Variants in MSH3 observed in about 807,000 individuals in gnomAD.
The protein encoded by MSH3 is mutS homolog 3.
Under a neutral mutation model 123.3 loss-of-function variants are expected in MSH3, and 106 were observed. The observed-to-expected ratio is 0.86, with a 90% CI of 0.73 to 1.01. The LOEUF (loss-of-function observed/expected upper bound fraction) is 1.01. Among genes scored for constraint, MSH3 ranks in the 50% least tolerant of loss-of-function variants. MSH3 has a pLI of 0.00. For synonymous variants in MSH3, 515 were observed against 481.4 expected, an observed-to-expected ratio of 1.07 and a Z score of -0.91; for missense variants, 1,459 against 1,347.6, an observed-to-expected ratio of 1.08 and a Z score of -1.29.
At chr5:80,838,764 C>T (rs984924899) in intron 20 of MSH3, among the ~76,000 whole-genome samples, 1 of 152,092 alleles carries the variant, frequency 6.6e-6, no homozygotes, top group African/African-American at 2.4e-5. Context: ...CCTAAGATCT[C>T]ACAGTACTTA....
At chr5:80,655,032 C>A (rs559732282) in intron 1 of MSH3, 68 bp downstream of exon 1, 31 of 979,712 alleles carry the variant, frequency 3.2e-5, no homozygotes, top group Non-Finnish European at 4.4e-5. Context: ...GTAAGGCGGG[C>A]GGAGGCGGGG....
At chr5:80,664,846 ACCTCT>A (rs1246054040) in intron 2 of MSH3, among the ~76,000 whole-genome samples, 1 of 151,578 alleles carries the variant, frequency 6.6e-6, no homozygotes, top group East Asian at 1.9e-4. Flanking sequence ...TGCAGTTGTT[ACCTCT>A]CCTCTCTGTC....
In MSH3 at chr5:80,725,782, C is replaced by A. The variant is rs32953; in HGVS notation, c.1453+217C>A. Among the ~76,000 whole-genome samples the A allele has an allele frequency of 0.18, 27,167 of 151,980 alleles. 3,211 individuals are homozygous for A. The highest frequency in any genetic ancestry group is 0.27 in the Non-Finnish European group (18,374 of 67,942). ...GGAGGATCGCCTGAGCCCAGGAGTTCGAGGCAGCAATGAGCTATTATCATG... is the reference window on the plus strand; with the variant it reads ...GGAGGATCGCCTGAGCCCAGGAGTTAGAGGCAGCAATGAGCTATTATCATG... On this transcript the variant is annotated intron_variant, in intron 9 of 23. Coordinates refer to ENST00000265081, the MANE Select transcript of MSH3 (RefSeq NM_002439.5).
Position 80,654,913 on chromosome 5 carries a change from GCCCCCA to G in MSH3, c.187_192del (p.Pro63_Pro64del), listed in dbSNP as rs773624233. On this transcript the variant is annotated inframe_deletion, in exon 1 of 24. Coordinates refer to ENST00000265081, the MANE Select transcript of MSH3 (RefSeq NM_002439.5). The stretch of plus-strand genomic sequence containing the variant: ...CTGCAGCGGCCGCAGCGGCCGCAGC[GCCCCCA>G]GCGCCCCCAGCTCCCGCCTTCCCGC... The G allele has an allele frequency of 6.7e-7, 1 of 1,499,578 alleles. No homozygotes were observed. The highest frequency in any genetic ancestry group is 8.8e-7 in the Non-Finnish European group (1 of 1,131,964). The allele number at this position is 1,499,578 out of a possible 1,614,324, so 92.9% of individuals were successfully genotyped here.
chr5:80,717,512 A>G (rs1020233622), intron 8 of MSH3, among the ~76,000 whole-genome samples: 4 of 152,124 alleles, frequency 2.6e-5, no homozygotes, highest in Non-Finnish European at 4.4e-5. Flanking sequence ...TAGCTTCCCA[A>G]GTAGTTGGGT....
chr5:80,829,367 A>G (rs1745379513), intron 20 of MSH3, among the ~76,000 whole-genome samples: 1 of 152,216 alleles, frequency 6.6e-6, no homozygotes, highest in South Asian at 2.1e-4. Flanking sequence ...TGTTAGCTAT[A>G]GGTTTTTTTG....
intron 8 of MSH3, among the ~76,000 whole-genome samples, chr5:80,693,624 T>TACACACAC (rs370934498): frequency 1.9e-4 from 28 of 146,044 alleles, no homozygotes; most frequent in African/African-American, 6.0e-4. Context: ...CACACACATA[T>TACACACAC]ACACACACAC....
At chr5:80,672,557 T>C (rs758471070) in intron 5 of MSH3, among the ~76,000 whole-genome samples, 184 bp from the exon 6 acceptor site, 1 of 152,236 alleles carries the variant, frequency 6.6e-6, no homozygotes, top group Non-Finnish European at 1.5e-5. Flanking sequence ...GGGTAAATTT[T>C]TAAACTCTAT....
intron 22 of MSH3, among the ~76,000 whole-genome samples, chr5:80,866,339 A>G (rs775000985): frequency 1.5e-4 from 23 of 152,102 alleles, no homozygotes; most frequent in Non-Finnish European, 2.4e-4. Flanking sequence ...GGCTCTCACT[A>G]TGTTGCCCAG....
At position 80,790,738 on chromosome 5, in the gene MSH3, A is replaced by G. The variant is rs113075055; in HGVS notation, c.2544-1995A>G. 9.5e-3 allele frequency among the ~76,000 whole-genome samples: 1,446 copies of G among 152,294 alleles called. 20 individuals are homozygous for G. The highest frequency in any genetic ancestry group is 0.032 in the African/African-American group (1,336 of 41,554). The stretch of plus-strand genomic sequence containing the variant: ...AGTCTGCTTCTAATTTTCATTGAAC[A>G]CAGTTGAAAATTCAGAATTTTTCGT... On this transcript the variant is annotated intron_variant, in intron 18 of 23. Coordinates refer to ENST00000265081, the MANE Select transcript of MSH3 (RefSeq NM_002439.5).
intron 20 of MSH3, among the ~76,000 whole-genome samples, chr5:80,814,599 T>TAGAAA (rs2112056056): frequency 6.6e-6 from 1 of 152,362 alleles, no homozygotes; most frequent in Admixed American, 6.5e-5. Context: ...AAATCTTTTG[T>TAGAAA]AGAAAATCAA....
chr5:80,708,665 G>A (rs530837350), intron 8 of MSH3, among the ~76,000 whole-genome samples: 38 of 151,820 alleles, frequency 2.5e-4, no homozygotes, highest in Non-Finnish European at 4.7e-4. Context: ...TTGATCAAAG[G>A]TTTTGTTTTG....
rs763041578 is a variant in MSH3, at chr5:80,813,632, A to C, written c.2704A>C (p.Lys902Gln). Residue 902 changes from lysine (K) to glutamine (Q), a missense_variant, in exon 20 of 24, where the codon AAG (lysine) becomes CAG (glutamine). Lys to Gln is a moderately conservative substitution (Grantham distance 53). Coordinates refer to ENST00000265081, the MANE Select transcript of MSH3 (RefSeq NM_002439.5). ...AATTACCGGACCAAACATGGGTGGA[A>C]AGAGCTCCTACATAAAACAAGTTGC... Reference protein sequence around the residue: ...MIITGPNMGGKSSYIKQVALI... With the variant: ...MIITGPNMGGQSSYIKQVALI... The C allele has an allele frequency of 6.2e-7, 1 of 1,614,172 alleles. No individual in the cohort carries two copies. The highest frequency in any genetic ancestry group is 8.5e-7 in the Non-Finnish European group (1 of 1,180,022).
intron 17 of MSH3, among the ~76,000 whole-genome samples, chr5:80,779,207 G>C (rs1299668672): frequency 6.6e-6 from 1 of 151,922 alleles, no homozygotes; most frequent in Non-Finnish European, 1.5e-5. Flanking sequence ...TGGCCAGGCT[G>C]ATGTTGTACT....
chr5:80,749,041 A>T (rs1743777824), intron 12 of MSH3, among the ~76,000 whole-genome samples: 1 of 152,116 alleles, frequency 6.6e-6, no homozygotes, highest in African/African-American at 2.4e-5. Context: ...AATTAAAAAA[A>T]TTTGTAAAGT....
At chr5:80,761,421 A>G (rs1580027196) in intron 12 of MSH3, 125 bp from the exon 13 acceptor site, 2 of 1,138,466 alleles carry the variant, frequency 1.8e-6, no homozygotes, top group South Asian at 1.3e-5. Flanking sequence ...CTATCTCAGT[A>G]TGAAGGAGGA....
At chr5:80,660,590 T>C (rs1175537766) in intron 2 of MSH3, among the ~76,000 whole-genome samples, 1 of 152,202 alleles carries the variant, frequency 6.6e-6, no homozygotes, top group Non-Finnish European at 1.5e-5. Context: ...GGAAAAGTCA[T>C]ATTTAGAAGA....
At chr5:80,840,969 A>C (rs1246782628) in intron 20 of MSH3, among the ~76,000 whole-genome samples, 1 of 151,520 alleles carries the variant, frequency 6.6e-6, no homozygotes, top group Admixed American at 6.6e-5. Context: ...GGTTTGTTAC[A>C]TATGTATACA....
chr5:80,720,493 T>G (rs1028256821), intron 8 of MSH3, among the ~76,000 whole-genome samples: 7 of 152,174 alleles, frequency 4.6e-5, no homozygotes, highest in African/African-American at 1.7e-4. Flanking sequence ...CTTCTTATCT[T>G]TATTATCTGT....
Sources: gnomAD v4.1 joint callset for allele counts (sites outside exome capture counted in the v4.1 genomes callset) on GRCh38, gnomAD v4.1.1 for gene constraint, MANE v1.5 for transcripts, NCBI Gene and HGNC (gene_info 2026-07-23, HGNC 2026-07-21) for gene names.